ETV7: variants seen among roughly 807,000 people sequenced by gnomAD.
ETV7 encodes ETS variant transcription factor 7.
ETV7 carries 43 observed loss-of-function variants against 39.1 expected under a neutral mutation model. The ratio of observed to expected loss-of-function variants is 1.10; its 90% confidence interval spans 0.86 to 1.42. The LOEUF is 1.42. ETV7 is among the 40% of genes most tolerant of loss of function. The probability of loss-of-function intolerance (pLI) is 0.00; values close to 1 mark genes in which losing one functional copy is unlikely to be tolerated. For missense variants in ETV7, 432 were observed against 442.3 expected (o/e 0.98, Z 0.21); for synonymous variants, 196 against 176.6 (o/e 1.11, Z -0.87).
downstream of ETV7, among the ~76,000 whole-genome samples, chr6:36,365,900 A>G (rs1275093165): frequency 6.6e-6 from 1 of 152,216 alleles, no homozygotes; most frequent in African/African-American, 2.4e-5. Flanking sequence ...GGCTGGACGC[A>G]GTGGCTCACG....
intron 2 of ETV7, among the ~76,000 whole-genome samples, chr6:36,377,660 T>G (rs1773443809): frequency 6.6e-6 from 1 of 152,138 alleles, no homozygotes; most frequent in African/African-American, 2.4e-5. Context: ...GAACTTAATT[T>G]TAACATTTAA....
At chr6:36,363,207 T>C (rs915316176), downstream of ETV7, among the ~76,000 whole-genome samples, 2 of 152,218 alleles carry the variant, frequency 1.3e-5, no homozygotes, top group East Asian at 1.9e-4. Flanking sequence ...CGGTGAGTCT[T>C]ACAGCTCTTC....
Position 36,381,480 on chromosome 6 carries a change from G to A in ETV7, c.142+4054C>T, listed in dbSNP as rs527367179. On this transcript the variant is annotated intron_variant, in intron 2 of 7. Coordinates refer to ENST00000340181, the MANE Select transcript of ETV7 (RefSeq NM_016135.4). ...ACCTCGTCAAGAATAAAAACTCAAC[G>A]AATGAATGGCCTTTATTCTGATGAT... Among the ~76,000 whole-genome samples the A allele has an allele frequency of 5.3e-5, 8 of 152,268 alleles. No individual in the cohort carries two copies. In the South Asian group the frequency reaches 1.5e-3, roughly 28 times the overall value.
chr6:36,361,389 T>C (rs1772484281), downstream of ETV7, among the ~76,000 whole-genome samples: 1 of 152,260 alleles, frequency 6.6e-6, no homozygotes, highest in Non-Finnish European at 1.5e-5. Flanking sequence ...TGTAAAGGTC[T>C]GTGTTTTCTG....
downstream of ETV7, among the ~76,000 whole-genome samples, chr6:36,363,737 T>G (rs1257520502): frequency 1.3e-5 from 2 of 151,916 alleles, no homozygotes; most frequent in African/African-American, 4.8e-5. Flanking sequence ...GCGTTTACAA[T>G]CCCTGAGCTA....
chr6:36,380,562 T>C (rs116774257), intron 2 of ETV7, among the ~76,000 whole-genome samples: 1,980 of 152,226 alleles, frequency 0.013, 37 homozygotes, highest in African/African-American at 0.045. Flanking sequence ...AACACTGTTG[T>C]CCCCTACCTC....
chr6:36,373,601 G>GGTGGC, intron 3 of ETV7, 23 bp from the exon 4 acceptor site: 2 of 475,648 alleles, frequency 4.2e-6, no homozygotes, highest in Non-Finnish European at 8.0e-6. Context: ...GGGAGGGAGG[G>GGTGGC]CAGGCTGCTG....
At chr6:36,358,576 G>A (rs1295674820) in intron 7 of ETV7, among the ~76,000 whole-genome samples, 1 of 152,252 alleles carries the variant, frequency 6.6e-6, no homozygotes, top group African/African-American at 2.4e-5. Context: ...CTGATGTTCA[G>A]TTTCCCCATC....
rs754933834 is a variant in ETV7, at chr6:36,375,870, C to T, written c.307+1G>A. On this transcript the variant is annotated splice_donor_variant, in intron 3 of 7. Coordinates refer to ENST00000340181, the MANE Select transcript of ETV7 (RefSeq NM_016135.4). LOFTEE classifies it high-confidence loss of function. ...GAGGAAAGCCTGTGCGTTTCCCTGA[C>T]CTGAGCTGGGCGCACGGTGCCGGAA... 6.2e-7 allele frequency: 1 copy of T among 1,613,922 alleles called. No individual in the cohort carries two copies. The highest frequency in any genetic ancestry group is 8.5e-7 in the Non-Finnish European group (1 of 1,180,044).
rs1355604249 is a variant in ETV7 at position 36,385,815 on chromosome 6, T to A, written c.7-146A>T. The A allele has an allele frequency of 3.8e-6, 3 of 796,702 alleles. No homozygotes were observed. The East Asian group carries it at 8.0e-5, about 21-fold the overall frequency. 49.4% of individuals were successfully genotyped at this position (796,702 alleles called of 1,614,324 possible). ...ATCAACCTTAAAGGTAGGAACCATG[T>A]ATATCTTCAACTCAGTACCATCAAC... On this transcript the variant is annotated intron_variant, in intron 1 of 7. Coordinates refer to ENST00000340181, the MANE Select transcript of ETV7 (RefSeq NM_016135.4).
intron 2 of ETV7, among the ~76,000 whole-genome samples, chr6:36,384,872 G>A (rs1281333408): frequency 6.6e-6 from 1 of 152,106 alleles, no homozygotes; most frequent in Admixed American, 6.5e-5. Flanking sequence ...TTGGGCAAGA[G>A]TGAGACTCCA....
downstream of ETV7, among the ~76,000 whole-genome samples, chr6:36,364,724 G>A (rs1013885568): frequency 6.6e-6 from 1 of 152,204 alleles, no homozygotes; most frequent in African/African-American, 2.4e-5. Context: ...CCGCCAAAGT[G>A]GGAGCCCAGG....
At chr6:36,383,640 A>G (rs1371470620) in intron 2 of ETV7, among the ~76,000 whole-genome samples, 1 of 152,188 alleles carries the variant, frequency 6.6e-6, no homozygotes, top group Non-Finnish European at 1.5e-5. Flanking sequence ...CTGGGCTGAG[A>G]TCACCCCCAA....
At chr6:36,371,867 C>G (rs755422076) in intron 4 of ETV7, among the ~76,000 whole-genome samples, 2 of 152,256 alleles carry the variant, frequency 1.3e-5, no homozygotes, top group African/African-American at 2.4e-5. Flanking sequence ...TATCCCATGT[C>G]CTCTCCATTT....
At chr6:36,363,087 C>T (rs975988924), downstream of ETV7, among the ~76,000 whole-genome samples, 1 of 150,518 alleles carries the variant, frequency 6.6e-6, no homozygotes, top group African/African-American at 2.5e-5. Flanking sequence ...TTCATTTCGA[C>T]AGTCCCTCCT....
intron 2 of ETV7, among the ~76,000 whole-genome samples, chr6:36,385,254 T>A (rs866791678): frequency 6.6e-6 from 1 of 152,130 alleles, no homozygotes; most frequent in African/African-American, 2.4e-5. Flanking sequence ...GGCGAGAGGA[T>A]AGCTTGAGCC....
chr6:36,369,431 G>A (rs1381425166), intron 5 of ETV7, among the ~76,000 whole-genome samples: 1 of 152,230 alleles, frequency 6.6e-6, no homozygotes, highest in African/African-American at 2.4e-5. Context: ...CACAGGCTGA[G>A]GGGCTGGGCC....
At chr6:36,376,540 G>T (rs745403927) in intron 2 of ETV7, among the ~76,000 whole-genome samples, 4 of 152,154 alleles carry the variant, frequency 2.6e-5, no homozygotes, top group African/African-American at 7.2e-5. Context: ...CATTTTGGGA[G>T]GCCGAGGCGG....
intron 2 of ETV7, among the ~76,000 whole-genome samples, chr6:36,380,897 T>G (rs1773618917): frequency 7.4e-6 from 1 of 135,280 alleles, no homozygotes; most frequent in Non-Finnish European, 1.6e-5. Context: ...CGACTGGACC[T>G]CTCTTCCCAC....
Sources: allele counts gnomAD v4.1 joint callset (sites outside exome capture counted in the v4.1 genomes callset), GRCh38; gene constraint gnomAD v4.1.1; transcripts MANE v1.5; gene names NCBI Gene and HGNC (gene_info 2026-07-23, HGNC 2026-07-21).